The following ANKUB1 variants were observed in gnomAD, a reference collection of about 807,000 sequenced individuals.
The protein encoded by ANKUB1 is protein ANKUB1.
ANKUB1 carries 42 observed loss-of-function variants against 49.3 expected under a neutral mutation model. The observed-to-expected ratio is 0.85, with a 90% CI of 0.67 to 1.10. The LOEUF (loss-of-function observed/expected upper bound fraction) is 1.10, where lower values mean the gene tolerates loss of function less well. ANKUB1 is among the 50% of genes least tolerant of loss of function. ANKUB1 has a pLI of 0.00. For missense variants in ANKUB1, 613 were observed against 642.0 expected (o/e 0.95, Z 0.49); for synonymous variants, 222 against 231.0 (o/e 0.96, Z 0.35).
chr3:149,792,378 CT>C lies in ANKUB1; in HGVS notation c.-13del. ...ATGAAAATCCTCATTGTACAATTAC[CT>C]TTTCAAACAAAAAATATCCAACTTT... On this transcript the variant is annotated 5_prime_UTR_variant, in exon 1 of 6. Transcript: ENST00000446160. 3 of 1,458,060 alleles carry C rather than the reference CT, an allele frequency of 2.1e-6. No homozygotes were observed. The highest frequency in any genetic ancestry group is 2.7e-5 in the Admixed American group (1 of 36,604). The allele number at this position is 1,458,060 out of a possible 1,614,324, so 90.3% of individuals were successfully genotyped here.
In ANKUB1 at chr3:149,761,674, A is replaced by G; in HGVS notation, c.1506-61T>C. 2.0e-6 allele frequency: 3 copies of G among 1,494,016 alleles called. No individual in the cohort carries two copies. In the South Asian group the frequency reaches 3.9e-5, roughly 19 times the overall value. The allele number at this position is 1,494,016 out of a possible 1,614,324, so 92.5% of individuals were successfully genotyped here. A position where few individuals can be genotyped will look rare whatever the true frequency, so the allele number is the denominator to read the frequency against. On this transcript the variant is annotated intron_variant, in intron 5 of 5. Coordinates refer to ENST00000446160, the MANE Select transcript of ANKUB1 (RefSeq NM_001144960.3). The stretch of plus-strand genomic sequence containing the variant: ...TGATCTTGTCTGCATACATAGCTGA[A>G]AAAGGATGGAAATCTTCAGGTTGAT...
intron 3 of ANKUB1, among the ~76,000 whole-genome samples, chr3:149,776,465 C>T (rs917713442): frequency 5.3e-5 from 8 of 152,194 alleles, no homozygotes; most frequent in African/African-American, 1.9e-4. Flanking sequence ...AGCACTAGCA[C>T]CATGTTTGCA....
chr3:149,783,419 A>T (rs1440681396), intron 2 of ANKUB1: 1 of 152,182 alleles, frequency 6.6e-6, no homozygotes, highest in Non-Finnish European at 1.5e-5. Context: ...ATGCAAACAA[A>T]CCAACCCAAG....
At chr3:149,791,839 CAAGTTCTCTA>C (rs1038354076) in intron 1 of ANKUB1, among the ~76,000 whole-genome samples, 2 of 152,196 alleles carry the variant, frequency 1.3e-5, no homozygotes, top group African/African-American at 2.4e-5. Flanking sequence ...CCATAGCTCA[CAAGTTCTCTA>C]AAGTCCTCTC....
chr3:149,777,496 AC>A (rs1559867060), intron 3 of ANKUB1, among the ~76,000 whole-genome samples: 58 of 151,492 alleles, frequency 3.8e-4, no homozygotes, highest in Admixed American at 1.6e-3. Flanking sequence ...AACAACAACA[AC>A]AACAAAAAAA....
At chr3:149,776,163 A>G (rs1717586011) in intron 3 of ANKUB1, among the ~76,000 whole-genome samples, 1 of 152,182 alleles carries the variant, frequency 6.6e-6, no homozygotes. Flanking sequence ...AAGCAAATCC[A>G]AAGCTTTTTT....
intron 4 of ANKUB1, among the ~76,000 whole-genome samples, chr3:149,770,176 T>C (rs1247484846): frequency 6.6e-6 from 1 of 152,240 alleles, no homozygotes; most frequent in African/African-American, 2.4e-5. Flanking sequence ...CACAACGTGT[T>C]AATTGACTGT....
chr3:149,778,019 A>G (rs1321378250), intron 3 of ANKUB1, among the ~76,000 whole-genome samples: 1 of 152,228 alleles, frequency 6.6e-6, no homozygotes, highest in Non-Finnish European at 1.5e-5. Flanking sequence ...TGATAGCAGC[A>G]GGGATGATTC....
In ANKUB1 at chr3:149,792,384, A is replaced by G. The variant is rs1467922681; in HGVS notation, c.-18T>C. 3 of 1,455,234 alleles carry G rather than the reference A, an allele frequency of 2.1e-6. No individual in the cohort carries two copies. The highest frequency in any genetic ancestry group is 2.7e-6 in the Non-Finnish European group (3 of 1,095,292). The allele number at this position is 1,455,234 out of a possible 1,614,324, so 90.1% of individuals were successfully genotyped here. ...ATCCTCATTGTACAATTACCTTTTC[A>G]AACAAAAAATATCCAACTTTTTCAA... On this transcript the variant is annotated 5_prime_UTR_variant, in exon 1 of 6. Coordinates refer to ENST00000446160, the MANE Select transcript of ANKUB1 (RefSeq NM_001144960.3).
chr3:149,774,568 G>A (rs1301303126), intron 3 of ANKUB1, among the ~76,000 whole-genome samples: 1 of 152,220 alleles, frequency 6.6e-6, no homozygotes, highest in African/African-American at 2.4e-5. Context: ...AATGAGACCT[G>A]ATTCTGAAAA....
At chr3:149,789,229 T>C (rs1178598489) in intron 2 of ANKUB1, among the ~76,000 whole-genome samples, 1 of 152,228 alleles carries the variant, frequency 6.6e-6, no homozygotes, top group East Asian at 1.9e-4. Context: ...TTAAAAACCT[T>C]GTCTACATCC....
intron 3 of ANKUB1, among the ~76,000 whole-genome samples, chr3:149,771,777 T>G (rs1717372928): frequency 1.3e-5 from 2 of 152,154 alleles, no homozygotes; most frequent in South Asian, 2.1e-4. Flanking sequence ...CGATGATAGC[T>G]TCATTGACCA....
chr3:149,767,474 T>C lies in ANKUB1; in HGVS notation c.1188A>G (p.Ser396=), dbSNP rs1285848960. The C allele has an allele frequency of 1.3e-6, 2 of 1,551,752 alleles. No homozygotes were observed. The highest frequency in any genetic ancestry group is 1.7e-6 in the Non-Finnish European group (2 of 1,146,994). ...GGGCTTGTTTTCTTGTGTCCGGCTG[T>C]GAAATTGCCAAAGGATTGACAGGTT... ...SSKPVNPLAI[S]QPDTRKQALK... The change falls in exon 5 of 6, where the codon TCA becomes TCG. Residue 396 remains serine, a synonymous_variant. Coordinates refer to ENST00000446160, the MANE Select transcript of ANKUB1 (RefSeq NM_001144960.3).
intron 3 of ANKUB1, among the ~76,000 whole-genome samples, chr3:149,776,804 TAC>T (rs35734266): frequency 0.12 from 18,015 of 149,478 alleles, 1,636 homozygotes; most frequent in East Asian, 0.27. Context: ...CTATAAAAAA[TAC>T]ACACACACAC....
At chr3:149,777,114 G>A (rs975025897) in intron 3 of ANKUB1, among the ~76,000 whole-genome samples, 1 of 152,204 alleles carries the variant, frequency 6.6e-6, no homozygotes, top group African/African-American at 2.4e-5. Context: ...CACCCTGCCT[G>A]CAGGCTTTCC....
At chr3:149,766,753 G>C in intron 5 of ANKUB1, 1 of 863,304 alleles carries the variant, frequency 1.2e-6, no homozygotes, top group Non-Finnish European at 1.8e-6. Flanking sequence ...AGCTGTGATA[G>C]CACCACTGCA....
intron 2 of ANKUB1, among the ~76,000 whole-genome samples, chr3:149,781,746 G>A (rs1442603918): frequency 6.6e-6 from 1 of 152,178 alleles, no homozygotes; most frequent in Admixed American, 6.5e-5. Flanking sequence ...AAGCCTTTGA[G>A]GAGTGATGTT....
intron 5 of ANKUB1, among the ~76,000 whole-genome samples, chr3:149,764,776 T>G (rs1236365037): frequency 6.6e-6 from 1 of 151,412 alleles, no homozygotes; most frequent in Non-Finnish European, 1.5e-5. Context: ...GAATAACACT[T>G]TAACAAAATG....
chr3:149,781,097 A>C (rs1466046522), intron 2 of ANKUB1, among the ~76,000 whole-genome samples: 1 of 148,166 alleles, frequency 6.7e-6, no homozygotes, highest in East Asian at 2.0e-4. Flanking sequence ...TAGTGTTGGG[A>C]TTACAGGCGC....
Sources: allele counts gnomAD v4.1 joint callset (sites outside exome capture counted in the v4.1 genomes callset), GRCh38; gene constraint gnomAD v4.1.1; transcripts MANE v1.5; gene names NCBI Gene and HGNC (gene_info 2026-07-23, HGNC 2026-07-21).